AKAIN1: variants seen among roughly 807,000 people sequenced by gnomAD.
AKAIN1 encodes A-kinase anchor protein inhibitor 1.
Under a neutral mutation model 3.7 loss-of-function variants are expected in AKAIN1, and 3 were observed. That is an observed-to-expected ratio of 0.82 (90% CI 0.37 to 2.12). The LOEUF (loss-of-function observed/expected upper bound fraction) is 2.12, where lower values mean the gene tolerates loss of function less well. Among genes scored for constraint, AKAIN1 ranks in the 30% most tolerant of loss-of-function variants. The pLI is 0.06. For synonymous variants in AKAIN1, 31 were observed against 30.8 expected (o/e 1.01, Z -0.02); for missense variants, 82 against 82.7 (o/e 0.99, Z 0.03).
chr18:5,175,203 T>C (rs1055156495), intron 1 of AKAIN1, among the ~76,000 whole-genome samples: 1 of 152,054 alleles, frequency 6.6e-6, no homozygotes, highest in Non-Finnish European at 1.5e-5. Flanking sequence ...GCCTCCCCAT[T>C]TGTATACTCA....
At chr18:5,181,079 G>C (rs1250812546) in intron 1 of AKAIN1, among the ~76,000 whole-genome samples, 1 of 151,762 alleles carries the variant, frequency 6.6e-6, no homozygotes, top group Non-Finnish European at 1.5e-5. Context: ...CTTGAGCCTA[G>C]GAGTTCAAGA....
intron 1 of AKAIN1, among the ~76,000 whole-genome samples, chr18:5,190,519 C>T (rs9957588): frequency 0.28 from 42,850 of 151,834 alleles, 6,237 homozygotes; most frequent in Non-Finnish European, 0.3. Flanking sequence ...TTACTGGTGA[C>T]GGAAACATTT....
chr18:5,192,394 T>TTTCTTTCC (rs1491279261), intron 1 of AKAIN1, among the ~76,000 whole-genome samples: 48 of 95,592 alleles, frequency 5.0e-4, no homozygotes, highest in African/African-American at 1.8e-3. Flanking sequence ...ATTTTCTTTC[T>TTTCTTTCC]TTCTTTCTTT....
intron 1 of AKAIN1, among the ~76,000 whole-genome samples, chr18:5,179,710 CT>C (rs34715159): frequency 1.3e-5 from 2 of 152,084 alleles, no homozygotes; most frequent in African/African-American, 4.8e-5. Flanking sequence ...AAGAAGATAA[CT>C]TCAAGTAGAA....
chr18:5,169,705 T>C (rs1328121259), intron 1 of AKAIN1, among the ~76,000 whole-genome samples: 1 of 152,154 alleles, frequency 6.6e-6, no homozygotes, highest in African/African-American at 2.4e-5. Context: ...TACTACTGTT[T>C]TCCAGTTTAC....
At chr18:5,168,122 GC>G (rs1214056391) in intron 1 of AKAIN1, among the ~76,000 whole-genome samples, 1 of 151,960 alleles carries the variant, frequency 6.6e-6, no homozygotes, top group African/African-American at 2.4e-5. Context: ...TGATTCTTAA[GC>G]CCTGTTACCA....
In AKAIN1 at chr18:5,145,329, A is replaced by C. The variant is rs753254899; in HGVS notation, c.*233T>G. 19 of 368,770 alleles carry C rather than the reference A, an allele frequency of 5.2e-5. 1 individual carries two copies. The highest frequency in any genetic ancestry group is 2.8e-4 in the East Asian group (7 of 24,714). 22.8% of individuals were successfully genotyped at this position (368,770 alleles called of 1,614,324 possible). On this transcript the variant is annotated 3_prime_UTR_variant, in exon 2 of 2. Transcript: ENST00000434239. Reference sequence around the variant, plus strand: ...GGCCTGCAAAACTACTTTTGCAATTACAGTGTCATATTTGGCCCCACTATG... The same window carrying C: ...GGCCTGCAAAACTACTTTTGCAATTCCAGTGTCATATTTGGCCCCACTATG...
At chr18:5,193,517 T>A (rs2071332981) in intron 1 of AKAIN1, among the ~76,000 whole-genome samples, 1 of 152,156 alleles carries the variant, frequency 6.6e-6, no homozygotes, top group African/African-American at 2.4e-5. Flanking sequence ...GAAGAAGGAA[T>A]TTAGGAAAAG....
At chr18:5,194,558 T>C (rs998772456) in intron 1 of AKAIN1, among the ~76,000 whole-genome samples, 3 of 152,240 alleles carry the variant, frequency 2.0e-5, no homozygotes, top group African/African-American at 7.2e-5. Context: ...TCTGTCACTC[T>C]TCACCTTTGC....
chr18:5,158,841 C>A (rs1418517203), intron 1 of AKAIN1, among the ~76,000 whole-genome samples: 1 of 152,160 alleles, frequency 6.6e-6, no homozygotes, highest in Non-Finnish European at 1.5e-5. Flanking sequence ...CATTTCAGGG[C>A]CTTTCTGAGT....
At chr18:5,182,857 T>C (rs1195254411) in intron 1 of AKAIN1, among the ~76,000 whole-genome samples, 2 of 152,124 alleles carry the variant, frequency 1.3e-5, no homozygotes, top group Non-Finnish European at 2.9e-5. Flanking sequence ...ATCTAGGAAC[T>C]GTGCAAGGAC....
intron 1 of AKAIN1, among the ~76,000 whole-genome samples, chr18:5,164,349 CT>C (rs1320940045): frequency 6.6e-6 from 1 of 151,954 alleles, no homozygotes; most frequent in Non-Finnish European, 1.5e-5. Context: ...TTTCTTGTGA[CT>C]TGGGGTAAGG....
chr18:5,161,260 C>G (rs187576567), intron 1 of AKAIN1, among the ~76,000 whole-genome samples: 22 of 152,030 alleles, frequency 1.4e-4, no homozygotes, highest in Admixed American at 3.9e-4. Flanking sequence ...TATTGTACAT[C>G]TTTTGTTAAA....
intron 1 of AKAIN1, among the ~76,000 whole-genome samples, chr18:5,164,977 T>G (rs1438060772): frequency 1.3e-5 from 2 of 152,074 alleles, no homozygotes; most frequent in Non-Finnish European, 2.9e-5. Flanking sequence ...AATAACATTT[T>G]CCTCTATGAT....
At chr18:5,167,908 A>G (rs1174113009) in intron 1 of AKAIN1, among the ~76,000 whole-genome samples, 1 of 152,088 alleles carries the variant, frequency 6.6e-6, no homozygotes, top group African/African-American at 2.4e-5. Context: ...CCTGACACAG[A>G]TGAACATTTT....
At chr18:5,185,220 A>C (rs2071280053) in intron 1 of AKAIN1, among the ~76,000 whole-genome samples, 1 of 152,170 alleles carries the variant, frequency 6.6e-6, no homozygotes, top group Admixed American at 6.6e-5. Flanking sequence ...ACTTATATGT[A>C]AAACTTAAAA....
chr18:5,193,268 G>C (rs1300383249), intron 1 of AKAIN1, among the ~76,000 whole-genome samples: 1 of 152,062 alleles, frequency 6.6e-6, no homozygotes, highest in East Asian at 1.9e-4. Context: ...TGAAATCCTT[G>C]TTATCATACC....
intron 1 of AKAIN1, among the ~76,000 whole-genome samples, chr18:5,191,828 T>C (rs1224151623): frequency 6.6e-6 from 1 of 152,218 alleles, no homozygotes; most frequent in Non-Finnish European, 1.5e-5. Context: ...TGCATATACA[T>C]AATGAGGTAT....
At chr18:5,194,600 A>G (rs2071338026) in intron 1 of AKAIN1, among the ~76,000 whole-genome samples, 1 of 152,194 alleles carries the variant, frequency 6.6e-6, no homozygotes, top group Non-Finnish European at 1.5e-5. Flanking sequence ...GAATCATTCA[A>G]AGGGAGACCA....
Sources: gnomAD v4.1 joint callset for allele counts (sites outside exome capture counted in the v4.1 genomes callset) on GRCh38, gnomAD v4.1.1 for gene constraint, MANE v1.5 for transcripts, NCBI Gene and HGNC (gene_info 2026-07-23, HGNC 2026-07-21) for gene names.